CEP55: variants seen among roughly 807,000 people sequenced by gnomAD.
CEP55 encodes the protein centrosomal protein of 55 kDa.
CEP55 carries 57 observed loss-of-function variants against 63.2 expected under a neutral mutation model. The ratio of observed to expected loss-of-function variants is 0.90; its 90% CI spans 0.73 to 1.13. The LOEUF is 1.13. Ranked by LOEUF, CEP55 falls within the 50% of genes most tolerant of loss-of-function variation. The probability of loss-of-function intolerance (pLI) is 0.00; values close to 1 mark genes in which losing one functional copy is unlikely to be tolerated. For missense variants in CEP55, 456 were observed against 518.9 expected (o/e 0.88, Z 1.18); for synonymous variants, 178 against 191.6 (o/e 0.93, Z 0.59).
chr10:93,498,625 C>G (rs1195399597), intron 1 of CEP55, among the ~76,000 whole-genome samples: 2 of 152,188 alleles, frequency 1.3e-5, no homozygotes, highest in African/African-American at 2.4e-5. Flanking sequence ...TCACACAGGA[C>G]AATCTTAAAA....
intron 4 of CEP55, among the ~76,000 whole-genome samples, chr10:93,513,880 G>GA (rs1025442547): frequency 2.6e-5 from 4 of 151,746 alleles, no homozygotes; most frequent in African/African-American, 4.8e-5. Context: ...CTAGTCATTG[G>GA]ATTTAGGGCT....
chr10:93,518,799 A>T, intron 6 of CEP55, 78 bp from the exon 7 acceptor site: 2 of 929,302 alleles, frequency 2.2e-6, no homozygotes, highest in Non-Finnish European at 3.4e-6. Flanking sequence ...GAGACTTGTG[A>T]TGTGAGCTTT....
chr10:93,523,455 TA>T (rs958412041), intron 8 of CEP55, among the ~76,000 whole-genome samples: 6 of 152,136 alleles, frequency 3.9e-5, no homozygotes, highest in African/African-American at 1.4e-4. Flanking sequence ...CTTAGAGACC[TA>T]AAAAGAGACT....
rs1261528551 is a variant in CEP55, at chr10:93,519,804, C to T, written c.1188C>T (p.Ser396=). ...GAAATCAAATAACACAGTTGGAATC[C>T]TTGGTGAGTCTGGAATGATTAAACT... The part of the protein sequence containing the change: ...KARNQITQLE[S]LKQLHEFAIT... Residue 396 remains serine, a synonymous_variant, in exon 8 of 9, where the codon TCC becomes TCT. Coordinates refer to ENST00000371485, the MANE Select transcript of CEP55 (RefSeq NM_018131.5). 6.2e-7 allele frequency: 1 copy of T among 1,613,884 alleles called. No homozygotes were observed. Among genetic ancestry groups the T allele is most frequent in the African/African-American group, 1.3e-5 (1 of 74,928 alleles).
chr10:93,511,156 G>A (rs2057744400), intron 4 of CEP55, among the ~76,000 whole-genome samples: 1 of 151,906 alleles, frequency 6.6e-6, no homozygotes, highest in Non-Finnish European at 1.5e-5. Context: ...GGCCAGGCTG[G>A]TCTTGAACTC....
At chr10:93,505,294 C>T (rs903465332) in intron 3 of CEP55, among the ~76,000 whole-genome samples, 4 of 152,166 alleles carry the variant, frequency 2.6e-5, no homozygotes, top group Non-Finnish European at 2.9e-5. Context: ...AAGCTTTGCT[C>T]CACAGAGTCA....
chr10:93,518,898 C>T lies in CEP55; in HGVS notation c.1015C>T (p.Leu339=). Residue 339 remains leucine, a synonymous_variant, in exon 7 of 9, where the codon CTG becomes TTG. Coordinates refer to ENST00000371485, the MANE Select transcript of CEP55 (RefSeq NM_018131.5). ...ACAGGTCCAGTTTCTTTACACATCTCTGCTAAAGCAGCAAGAAGAACAAAC... is the reference window on the plus strand; with the variant it reads ...ACAGGTCCAGTTTCTTTACACATCTTTGCTAAAGCAGCAAGAAGAACAAAC... ...LSQVQFLYTS[L]LKQQEEQTRV... 1.9e-6 allele frequency: 3 copies of T among 1,612,196 alleles called. No individual in the cohort carries two copies. The highest frequency in any genetic ancestry group is 2.5e-6 in the Non-Finnish European group (3 of 1,178,370).
At chr10:93,526,939 G>C (rs189435792) in intron 8 of CEP55, among the ~76,000 whole-genome samples, 1 of 152,092 alleles carries the variant, frequency 6.6e-6, no homozygotes, top group African/African-American at 2.4e-5. Context: ...GTTGTGGGGT[G>C]GGGGGAGTGG....
chr10:93,521,500 G>A (rs957055702), intron 8 of CEP55, among the ~76,000 whole-genome samples: 3 of 152,228 alleles, frequency 2.0e-5, no homozygotes, highest in Non-Finnish European at 4.4e-5. Context: ...GCCTGCCTCT[G>A]TAGACTCCAA....
chr10:93,503,393 TA>T lies in CEP55; in HGVS notation c.459+7del. 1 of 1,598,280 alleles carries T rather than the reference TA, an allele frequency of 6.3e-7. No individual in the cohort carries two copies. The highest frequency in any genetic ancestry group is 8.5e-7 in the Non-Finnish European group (1 of 1,171,890). ...AATACACTCCGTTTATCACAGGTGCTAATCATTTCTTTAAACCCAGATTTTT... is the reference window on the plus strand; with the variant it reads ...AATACACTCCGTTTATCACAGGTGCTATCATTTCTTTAAACCCAGATTTTT... On this transcript the variant is annotated splice_donor_region_variant and intron_variant, in intron 3 of 8. Transcript: ENST00000371485.
chr10:93,508,879 C>T (rs980894121), intron 4 of CEP55, among the ~76,000 whole-genome samples: 1 of 152,202 alleles, frequency 6.6e-6, no homozygotes, highest in African/African-American at 2.4e-5. Context: ...CATTCTACAG[C>T]TAAATTTACA....
chr10:93,528,319 T>C lies in CEP55; in HGVS notation c.*166T>C, dbSNP rs2057945545. 1.6e-6 allele frequency: 1 copy of C among 627,760 alleles called. No homozygotes were observed. Among genetic ancestry groups the C allele is most frequent in the African/African-American group, 1.8e-5 (1 of 54,302 alleles). 38.9% of individuals were successfully genotyped at this position (627,760 alleles called of 1,614,324 possible). ...TATCTTTTAGGCTGCTGTGCATTTC[T>C]CTTGGCAGTGATACCTCCCTGACAT... On this transcript the variant is annotated 3_prime_UTR_variant, in exon 9 of 9. Coordinates refer to ENST00000371485, the MANE Select transcript of CEP55 (RefSeq NM_018131.5).
chr10:93,512,253 A>C (rs1564764758), intron 4 of CEP55, among the ~76,000 whole-genome samples: 3 of 139,156 alleles, frequency 2.2e-5, no homozygotes, highest in African/African-American at 5.3e-5. Context: ...GGCCGGGCTC[A>C]GTGGCTCATG....
In CEP55 at chr10:93,528,276, G is replaced by T; in HGVS notation, c.*123G>T. On this transcript the variant is annotated 3_prime_UTR_variant, in exon 9 of 9. Transcript: ENST00000371485. ...CTGCCTATCTACCTTTGACACTCCA[G>T]CATGCTAGTGAATCATGTATCTTTT... 1.4e-6 allele frequency: 1 copy of T among 737,100 alleles called. No homozygotes were observed. Among genetic ancestry groups the T allele is most frequent in the Admixed American group, 2.5e-5 (1 of 40,500 alleles). The allele number at this position is 737,100 out of a possible 1,614,324, so 45.7% of individuals were successfully genotyped here.
chr10:93,523,917 A>G (rs2057891866), intron 8 of CEP55, among the ~76,000 whole-genome samples: 2 of 152,236 alleles, frequency 1.3e-5, no homozygotes, highest in Non-Finnish European at 2.9e-5. Flanking sequence ...ACATACCAGA[A>G]TCTCTGGGAC....
chr10:93,500,250 A>T lies in CEP55; in HGVS notation c.183+16A>T. On this transcript the variant is annotated intron_variant, in intron 2 of 8. Transcript: ENST00000371485. ...ACTTTTGGAGGTAAATGGTCTTCTG[A>T]TCCTTTAAATTGTAAGCTCTCCAAG... The T allele has an allele frequency of 6.3e-7, 1 of 1,586,690 alleles. No individual in the cohort carries two copies.
chr10:93,518,552 G>T (rs2057826501), intron 6 of CEP55, among the ~76,000 whole-genome samples: 1 of 152,196 alleles, frequency 6.6e-6, no homozygotes, highest in Non-Finnish European at 1.5e-5. Context: ...TTCAGCTCTG[G>T]CTAAGGGCCC....
At chr10:93,508,711 ATC>A (rs2057712615) in intron 4 of CEP55, among the ~76,000 whole-genome samples, 1 of 152,112 alleles carries the variant, frequency 6.6e-6, no homozygotes, top group African/African-American at 2.4e-5. Flanking sequence ...TTCCCCAGAT[ATC>A]TTCATGATTT....
intron 7 of CEP55, 108 bp downstream of exon 7, chr10:93,519,056 T>A: frequency 1.3e-6 from 1 of 780,834 alleles, no homozygotes; most frequent in Non-Finnish European, 2.1e-6. Flanking sequence ...GTGAAAAGTG[T>A]CTTTAAAAGA....
Sources: gnomAD v4.1 joint callset for allele counts (sites outside exome capture counted in the v4.1 genomes callset) on GRCh38, gnomAD v4.1.1 for gene constraint, MANE v1.5 for transcripts, NCBI Gene and HGNC (gene_info 2026-07-23, HGNC 2026-07-21) for gene names.